The following EBF2 variants were observed in gnomAD, a reference collection of about 807,000 sequenced individuals.
EBF2 encodes the protein transcription factor COE2.
EBF2 carries 21 observed loss-of-function variants against 72.8 expected under a neutral mutation model. The observed-to-expected ratio is 0.29, with a 90% confidence interval of 0.20 to 0.42. The LOEUF is 0.42. Among genes scored for constraint, EBF2 ranks in the 10% least tolerant of loss-of-function variants. The pLI, the probability that EBF2 is intolerant of heterozygous loss-of-function variation, is 1.00. For missense variants in EBF2, 637 were observed against 731.2 expected, an observed-to-expected ratio of 0.87 and a Z score of 1.49; for synonymous variants, 299 against 274.2, an observed-to-expected ratio of 1.09 and a Z score of -0.89.
chr8:25,951,929 C>T (rs1473235578), intron 6 of EBF2, among the ~76,000 whole-genome samples: 1 of 152,142 alleles, frequency 6.6e-6, no homozygotes, highest in African/African-American at 2.4e-5. Flanking sequence ...TTTTATTAAT[C>T]ATTTTCAATC....
intron 6 of EBF2, among the ~76,000 whole-genome samples, chr8:26,011,254 T>C (rs546291590): frequency 1.4e-4 from 21 of 152,362 alleles, no homozygotes; most frequent in African/African-American, 4.8e-4. Flanking sequence ...CACTCATACA[T>C]GATACGATTT....
At chr8:25,846,222 G>A (rs1192008115) in intron 15 of EBF2, among the ~76,000 whole-genome samples, 1 of 148,406 alleles carries the variant, frequency 6.7e-6, no homozygotes, top group Non-Finnish European at 1.5e-5. Flanking sequence ...CAGAGTGTAG[G>A]AGGTTTTTTT....
intron 6 of EBF2, among the ~76,000 whole-genome samples, chr8:25,979,155 C>G (rs1804317529): frequency 6.6e-6 from 1 of 152,178 alleles, no homozygotes; most frequent in African/African-American, 2.4e-5. Context: ...CAAAACCATC[C>G]CAAGTTGCTG....
At chr8:25,929,968 C>G (rs139722766) in intron 6 of EBF2, among the ~76,000 whole-genome samples, 1 of 151,972 alleles carries the variant, frequency 6.6e-6, no homozygotes, top group African/African-American at 2.4e-5. Context: ...ATGCGGGAGC[C>G]GAATGGAGAA....
chr8:25,892,338 G>A (rs543362265), intron 7 of EBF2, among the ~76,000 whole-genome samples: 42 of 152,216 alleles, frequency 2.8e-4, no homozygotes, highest in African/African-American at 9.4e-4. Context: ...GTGGACGGGG[G>A]AACTACTGTT....
intron 6 of EBF2, among the ~76,000 whole-genome samples, chr8:25,919,443 G>A (rs551041799): frequency 2.0e-5 from 3 of 152,274 alleles, no homozygotes; most frequent in Admixed American, 6.5e-5. Context: ...ACTCAGCAAA[G>A]TCACTATACT....
At chr8:25,875,729 T>G (rs1479384849) in intron 10 of EBF2, among the ~76,000 whole-genome samples, 3 of 152,136 alleles carry the variant, frequency 2.0e-5, no homozygotes, top group Non-Finnish European at 4.4e-5. Flanking sequence ...AAGGGTAGAG[T>G]GCTTTATAAG....
At chr8:25,888,073 G>A (rs1381737682) in intron 8 of EBF2, 101 bp from the exon 9 acceptor site, 9 of 1,318,900 alleles carry the variant, frequency 6.8e-6, no homozygotes, top group South Asian at 6.3e-5. Flanking sequence ...CTTGGGCCAC[G>A]TATAAAATAC....
chr8:25,864,944 C>T (rs760384105), intron 10 of EBF2, among the ~76,000 whole-genome samples: 42 of 151,962 alleles, frequency 2.8e-4, no homozygotes, highest in South Asian at 8.3e-4. Flanking sequence ...CTTACAGGCG[C>T]GCGCCACCAT....
In EBF2 at chr8:25,951,879, C is replaced by T. The variant is rs888961363; in HGVS notation, c.552-43324G>A. Among the ~76,000 whole-genome samples, 12 of 152,174 alleles carry T rather than the reference C, an allele frequency of 7.9e-5. No individual in the cohort carries two copies. The East Asian group carries it at 9.7e-4, about 12-fold the overall frequency. ...GTCAAGATGAACATTCAGAATTCGT[C>T]GGAAATCATTTTTCATTAATCATTT... On this transcript the variant is annotated intron_variant, in intron 6 of 15. Coordinates refer to ENST00000520164, the MANE Select transcript of EBF2 (RefSeq NM_022659.4).
intron 7 of EBF2, among the ~76,000 whole-genome samples, chr8:25,893,209 G>C (rs1032886843): frequency 2.2e-4 from 33 of 150,312 alleles, no homozygotes; most frequent in African/African-American, 8.1e-4. Context: ...AGACATAACT[G>C]TCATCTCTGG....
chr8:25,897,470 T>C lies in EBF2; in HGVS notation c.634-7601A>G, dbSNP rs551781544. Reference sequence around the variant, plus strand: ...ATGAATGATCCTGTCACCCAGGTAGTGAGCATAATTCCTAATAGGTAGTTT... The same window carrying C: ...ATGAATGATCCTGTCACCCAGGTAGCGAGCATAATTCCTAATAGGTAGTTT... On this transcript the variant is annotated intron_variant, in intron 7 of 15. Coordinates refer to ENST00000520164, the MANE Select transcript of EBF2 (RefSeq NM_022659.4). 5.7e-4 allele frequency among the ~76,000 whole-genome samples: 86 copies of C among 152,172 alleles called. 1 individual carries two copies. The highest frequency in any genetic ancestry group is 9.0e-4 in the Non-Finnish European group (61 of 68,028).
chr8:25,926,812 G>A (rs1014387379), intron 6 of EBF2, among the ~76,000 whole-genome samples: 1 of 152,142 alleles, frequency 6.6e-6, no homozygotes, highest in Non-Finnish European at 1.5e-5. Flanking sequence ...TCACCTTTGA[G>A]GCAACGTAAA....
intron 6 of EBF2, among the ~76,000 whole-genome samples, chr8:25,941,887 T>C (rs572305228): frequency 7.4e-4 from 112 of 152,364 alleles, no homozygotes; most frequent in Non-Finnish European, 1.3e-3. Flanking sequence ...CCATTCCCAT[T>C]CCTAAGATGG....
chr8:25,979,279 C>T (rs1026091452), intron 6 of EBF2, among the ~76,000 whole-genome samples: 3 of 152,230 alleles, frequency 2.0e-5, no homozygotes, highest in Admixed American at 6.5e-5. Context: ...GGGCCGTGTC[C>T]TCCAAGGGAA....
Position 25,858,328 on chromosome 8 carries a change from G to C in EBF2, c.1519C>G (p.Pro507Ala). The C allele has an allele frequency of 6.2e-7, 1 of 1,614,184 alleles. No individual in the cohort carries two copies. Among genetic ancestry groups the C allele is most frequent in the Non-Finnish European group, 8.5e-7 (1 of 1,180,018 alleles). ...TGGAGAGGTCACTTACTTCCATAAGGAGAGCCGGTGGGTGAGCCATTTAGA... is the reference window on the plus strand; with the variant it reads ...TGGAGAGGTCACTTACTTCCATAAGCAGAGCCGGTGGGTGAGCCATTTAGA... Reference protein sequence around the residue: ...GFLNGSPTGSPYGIMSSSPTV... With the variant: ...GFLNGSPTGSAYGIMSSSPTV... The change falls in exon 14 of 16, where the codon CCT (proline) becomes GCT (alanine). Residue 507 changes from proline (P) to alanine (A), a missense_variant. Pro to Ala is a conservative substitution (Grantham distance 27). Around this residue, in one of 3 missense-constraint regions of EBF2, gnomAD observed 259 missense variants for 268.1 expected, o/e 0.97. Transcript: ENST00000520164.
At chr8:25,949,296 G>A (rs1040769608) in intron 6 of EBF2, among the ~76,000 whole-genome samples, 6 of 152,292 alleles carry the variant, frequency 3.9e-5, no homozygotes, top group East Asian at 3.9e-4. Flanking sequence ...TAACTGCTAC[G>A]TCATGCTGTC....
intron 6 of EBF2, among the ~76,000 whole-genome samples, chr8:25,994,492 T>C (rs1804591589): frequency 6.6e-6 from 1 of 152,312 alleles, no homozygotes; most frequent in Non-Finnish European, 1.5e-5. Context: ...GACATGTATG[T>C]TCACCGCAAC....
At chr8:25,974,746 GC>G (rs962375157) in intron 6 of EBF2, among the ~76,000 whole-genome samples, 3 of 151,360 alleles carry the variant, frequency 2.0e-5, no homozygotes, top group East Asian at 1.9e-4. Flanking sequence ...AACTCCCCCT[GC>G]CCCCCCATCC....
Sources: allele counts gnomAD v4.1 joint callset (sites outside exome capture counted in the v4.1 genomes callset), GRCh38; gene constraint gnomAD v4.1.1; regional missense constraint gnomAD v4.1.1; transcripts MANE v1.5; gene names NCBI Gene and HGNC (gene_info 2026-07-23, HGNC 2026-07-21).